Variants in NEGR1 observed in about 807,000 individuals in gnomAD.
The protein encoded by NEGR1 is neuronal growth regulator 1.
Under a neutral mutation model 40.9 loss-of-function variants are expected in NEGR1, and 10 were observed. That is an observed-to-expected ratio of 0.24 (90% CI 0.15 to 0.42). The LOEUF (loss-of-function observed/expected upper bound fraction) is 0.42. Among genes scored for constraint, NEGR1 ranks in the 10% least tolerant of loss-of-function variants. The pLI is 1.00. For missense variants in NEGR1, 352 were observed against 438.9 expected, an observed-to-expected ratio of 0.80 and a Z score of 1.77; for synonymous variants, 185 against 166.8, an observed-to-expected ratio of 1.11 and a Z score of -0.84.
intron 6 of NEGR1, among the ~76,000 whole-genome samples, chr1:71,434,949 G>A (rs1056710593): frequency 6.6e-6 from 1 of 152,076 alleles, no homozygotes; most frequent in Non-Finnish European, 1.5e-5. Context: ...AAATTAGCCC[G>A]GCATAGTGGC....
intron 2 of NEGR1, among the ~76,000 whole-genome samples, chr1:71,925,756 G>T (rs901095402): frequency 1.8e-4 from 27 of 150,882 alleles, no homozygotes; most frequent in Non-Finnish European, 3.8e-4. Flanking sequence ...TTATTTCATA[G>T]ATCAAATCCC....
intron 1 of NEGR1, among the ~76,000 whole-genome samples, chr1:72,087,259 A>G (rs187013738): frequency 1.2e-3 from 184 of 152,200 alleles, no homozygotes; most frequent in African/African-American, 3.5e-3. Context: ...TCTACTAAAA[A>G]TACAACAATA....
rs1570379277 is a variant in NEGR1 at position 71,811,223 on chromosome 1, T to G, written c.410-34926A>C. Among the ~76,000 whole-genome samples the G allele has an allele frequency of 3.3e-5, 5 of 152,250 alleles. No homozygotes were observed. The East Asian group carries it at 9.7e-4, about 29-fold the overall frequency. Reference sequence around the variant, plus strand: ...ATATTAAAAGCAAATCCTATTTTAATGATTTCTTACTATTTCCTGGGTATT... The same window carrying G: ...ATATTAAAAGCAAATCCTATTTTAAGGATTTCTTACTATTTCCTGGGTATT... On this transcript the variant is annotated intron_variant, in intron 2 of 6. Coordinates refer to ENST00000357731, the MANE Select transcript of NEGR1 (RefSeq NM_173808.3).
chr1:72,229,966 G>T (rs1654308783), intron 1 of NEGR1, among the ~76,000 whole-genome samples: 1 of 152,066 alleles, frequency 6.6e-6, no homozygotes, highest in Non-Finnish European at 1.5e-5. Flanking sequence ...CAGTTGCTCA[G>T]TACATTAGAA....
chr1:72,108,775 T>C (rs1192229782), intron 1 of NEGR1, among the ~76,000 whole-genome samples: 1 of 151,612 alleles, frequency 6.6e-6, no homozygotes, highest in African/African-American at 2.4e-5. Context: ...AGAAGAACAA[T>C]GAACCGAGCC....
intron 1 of NEGR1, among the ~76,000 whole-genome samples, chr1:72,230,070 G>T (rs1191669098): frequency 6.6e-6 from 1 of 152,088 alleles, no homozygotes; most frequent in African/African-American, 2.4e-5. Context: ...ATACTTTGCA[G>T]ATTCTACTGC....
At chr1:71,694,582 C>A (rs544464669) in intron 4 of NEGR1, among the ~76,000 whole-genome samples, 1 of 151,588 alleles carries the variant, frequency 6.6e-6, no homozygotes, top group Non-Finnish European at 1.5e-5. Flanking sequence ...CAACAAAGTG[C>A]TAGGTAATTA....
chr1:71,882,812 A>G (rs189484281), intron 2 of NEGR1, among the ~76,000 whole-genome samples: 13 of 151,782 alleles, frequency 8.6e-5, no homozygotes. Context: ...GTTTACACAG[A>G]TACTTTTCCT....
At chr1:71,886,595 C>G (rs1207934638) in intron 2 of NEGR1, among the ~76,000 whole-genome samples, 1 of 152,088 alleles carries the variant, frequency 6.6e-6, no homozygotes, top group Admixed American at 6.5e-5. Context: ...CTACTTTTTA[C>G]CATCAGTCTG....
intron 6 of NEGR1, among the ~76,000 whole-genome samples, chr1:71,562,649 G>A (rs1054779032): frequency 3.9e-5 from 6 of 151,978 alleles, no homozygotes; most frequent in African/African-American, 1.2e-4. Flanking sequence ...TGGATATTTA[G>A]CTTGTTTTCT....
At chr1:72,037,345 T>C (rs1646912177) in intron 1 of NEGR1, among the ~76,000 whole-genome samples, 3 of 152,292 alleles carry the variant, frequency 2.0e-5, no homozygotes, top group South Asian at 2.1e-4. Context: ...TAACAATTCA[T>C]AGTCATCTCA....
chr1:71,858,943 G>A (rs1456375749), intron 2 of NEGR1, among the ~76,000 whole-genome samples: 4 of 151,930 alleles, frequency 2.6e-5, no homozygotes, highest in African/African-American at 9.7e-5. Flanking sequence ...ATTATCTCAT[G>A]CCTGGTTCCC....
At position 72,275,138 on chromosome 1, in the gene NEGR1, A is replaced by C. The variant is rs138804883; in HGVS notation, c.176+7181T>G. 14 of 739,274 alleles carry C rather than the reference A, an allele frequency of 1.9e-5. No homozygotes were observed. In the African/African-American group the frequency reaches 1.9e-4, roughly 10 times the overall value. 45.8% of individuals were successfully genotyped at this position (739,274 alleles called of 1,614,324 possible). ...AGCCAGATCTTTATTTCCCGCACGTACGATGCCACCCATGTGTTTTTCTAA... is the reference window on the plus strand; with the variant it reads ...AGCCAGATCTTTATTTCCCGCACGTCCGATGCCACCCATGTGTTTTTCTAA... On this transcript the variant is annotated intron_variant, in intron 1 of 6. Coordinates refer to ENST00000357731, the MANE Select transcript of NEGR1 (RefSeq NM_173808.3).
chr1:71,627,986 T>C (rs1416964652), intron 4 of NEGR1, among the ~76,000 whole-genome samples: 5 of 152,018 alleles, frequency 3.3e-5, no homozygotes, highest in Admixed American at 6.6e-5. Flanking sequence ...AAAACCAGCA[T>C]GTCAGGAGGG....
chr1:71,884,737 T>C (rs1034943292), intron 2 of NEGR1, among the ~76,000 whole-genome samples: 3 of 152,224 alleles, frequency 2.0e-5, no homozygotes, highest in Non-Finnish European at 4.4e-5. Context: ...GGTAGTTTAA[T>C]GATTCTTCAG....
chr1:71,415,064 TC>T (rs1646346377), intron 6 of NEGR1, among the ~76,000 whole-genome samples: 1 of 152,122 alleles, frequency 6.6e-6, no homozygotes, highest in Admixed American at 6.6e-5. Flanking sequence ...GGTGTTCTTT[TC>T]TTGAATTAGA....
At chr1:71,659,179 T>G (rs1557602890) in intron 4 of NEGR1, among the ~76,000 whole-genome samples, 1 of 152,220 alleles carries the variant, frequency 6.6e-6, no homozygotes, top group Non-Finnish European at 1.5e-5. Flanking sequence ...CAGAGGTTTT[T>G]GATTTTTTAA....
chr1:71,482,407 A>G (rs1175708215), intron 6 of NEGR1, among the ~76,000 whole-genome samples: 2 of 151,980 alleles, frequency 1.3e-5, no homozygotes, highest in South Asian at 2.1e-4. Flanking sequence ...TAGGTGGTGG[A>G]AAATAGTGAA....
chr1:72,275,523 C>T (rs1656017832), intron 1 of NEGR1, among the ~76,000 whole-genome samples: 1 of 151,916 alleles, frequency 6.6e-6, no homozygotes, highest in South Asian at 2.1e-4. Flanking sequence ...CAGAAAGTGC[C>T]AATGACAATC....
Sources: gnomAD v4.1 joint callset for allele counts (sites outside exome capture counted in the v4.1 genomes callset) on GRCh38, gnomAD v4.1.1 for gene constraint, MANE v1.5 for transcripts, NCBI Gene and HGNC (gene_info 2026-07-23, HGNC 2026-07-21) for gene names.